The following GALK2 variants were observed in gnomAD, a reference collection of about 807,000 sequenced individuals.
GALK2 encodes the protein N-acetylgalactosamine kinase.
GALK2 carries 36 observed loss-of-function variants against 52.4 expected under a neutral mutation model. That is an observed-to-expected ratio of 0.69 (90% CI 0.53 to 0.91). The LOEUF (loss-of-function observed/expected upper bound fraction) is 0.91. GALK2 is among the 40% of genes least tolerant of loss of function. The pLI, the probability that GALK2 is intolerant of heterozygous loss-of-function variation, is 0.00. For synonymous variants in GALK2, 176 were observed against 199.1 expected (o/e 0.88, Z 0.98); for missense variants, 579 against 559.1 (o/e 1.04, Z -0.36).
chr15:49,308,998 G>C (rs1239350466), intron 8 of GALK2, among the ~76,000 whole-genome samples: 1 of 152,212 alleles, frequency 6.6e-6, no homozygotes, highest in Admixed American at 6.5e-5. Context: ...TGAAGGGTCA[G>C]ATTTGTCTCT....
At chr15:49,337,936 G>A (rs1394524163) in intron 3 of GALK2, among the ~76,000 whole-genome samples, 1 of 152,058 alleles carries the variant, frequency 6.6e-6, no homozygotes, top group Non-Finnish European at 1.5e-5. Flanking sequence ...CCAAGTCTTC[G>A]CTATTGTGAA....
chr15:49,346,264 CT>C (rs2041494483), intron 3 of GALK2, among the ~76,000 whole-genome samples: 1 of 152,200 alleles, frequency 6.6e-6, no homozygotes, highest in African/African-American at 2.4e-5. Context: ...AACAAATGGC[CT>C]TTTGACCATG....
intron 2 of GALK2, among the ~76,000 whole-genome samples, chr15:49,206,414 G>T (rs2088290727): frequency 6.6e-6 from 1 of 151,870 alleles, no homozygotes; most frequent in Non-Finnish European, 1.5e-5. Flanking sequence ...ATTGCTTTTG[G>T]CAGTATGGTC....
intron 3 of GALK2, chr15:49,353,960 T>G (rs995931965): frequency 6.6e-6 from 1 of 152,210 alleles, no homozygotes; most frequent in African/African-American, 2.4e-5. Context: ...GGGAAAAATG[T>G]GTGTTCATGT....
exon 4 of GALK2, chr15:49,367,686 A>C: frequency 3.1e-6 from 4 of 1,290,848 alleles, no homozygotes; most frequent in Non-Finnish European, 4.2e-6. Context: ...ATAACTTCAT[A>C]TTTAGCATAA....
rs183708447 is a variant in GALK2, at chr15:49,286,734, T to C, written c.756+3016T>C. 1.2e-4 allele frequency among the ~76,000 whole-genome samples: 19 copies of C among 152,288 alleles called. No individual in the cohort carries two copies. In the East Asian group the frequency reaches 3.7e-3, roughly 29 times the overall value. On this transcript the variant is annotated intron_variant, in intron 7 of 9. Coordinates refer to ENST00000560031, the MANE Select transcript of GALK2 (RefSeq NM_002044.4). ...TTTTAATATCAAGGGTTCAATGAACTTTTTTTCTTTTACGACACACTTCCT... is the reference window on the plus strand; with the variant it reads ...TTTTAATATCAAGGGTTCAATGAACCTTTTTTCTTTTACGACACACTTCCT...
intron 3 of GALK2, among the ~76,000 whole-genome samples, chr15:49,218,098 A>G (rs749281321): frequency 1.3e-5 from 2 of 152,154 alleles, no homozygotes; most frequent in Non-Finnish European, 2.9e-5. Context: ...TTGGCATATT[A>G]TATGTTTGGC....
intron 1 of GALK2, among the ~76,000 whole-genome samples, chr15:49,157,793 A>G (rs558042024): frequency 1.1e-4 from 16 of 152,332 alleles, no homozygotes; most frequent in African/African-American, 3.8e-4. Flanking sequence ...TTAGCACGGC[A>G]TGTACCAGTA....
intron 8 of GALK2, among the ~76,000 whole-genome samples, chr15:49,305,270 G>A (rs1263397786): frequency 2.0e-5 from 3 of 152,156 alleles, no homozygotes. Flanking sequence ...TATTGTATGT[G>A]TATAGACACT....
intron 3 of GALK2, among the ~76,000 whole-genome samples, chr15:49,342,332 G>A (rs2040858901): frequency 6.6e-6 from 1 of 151,966 alleles, no homozygotes; most frequent in African/African-American, 2.4e-5. Flanking sequence ...GTTTTATCTG[G>A]TATAAGAATA....
chr15:49,215,014 T>C (rs889240952), intron 2 of GALK2, among the ~76,000 whole-genome samples: 1 of 152,206 alleles, frequency 6.6e-6, no homozygotes, highest in African/African-American at 2.4e-5. Context: ...GTTCAAAAGT[T>C]GTTTTTCTTC....
At chr15:49,306,018 A>T (rs2035516532) in intron 8 of GALK2, among the ~76,000 whole-genome samples, 1 of 152,216 alleles carries the variant, frequency 6.6e-6, no homozygotes, top group South Asian at 2.1e-4. Context: ...AAAGATTTTT[A>T]TCTTCTTAAT....
At chr15:49,181,501 CTTTTTTT>C (rs370757144) in intron 1 of GALK2, among the ~76,000 whole-genome samples, 4,388 of 113,604 alleles carry the variant, frequency 0.039, 115 homozygotes, top group Non-Finnish European at 0.055. Flanking sequence ...AAAAAAAAGA[CTTTTTTT>C]TTTTTTTTTT....
chr15:49,162,195 A>G (rs984048789), intron 1 of GALK2, among the ~76,000 whole-genome samples: 7 of 152,254 alleles, frequency 4.6e-5, no homozygotes, highest in African/African-American at 1.7e-4. Flanking sequence ...GTCACTATAG[A>G]TTAGTTTACA....
intron 8 of GALK2, among the ~76,000 whole-genome samples, chr15:49,294,414 G>A (rs1458135819): frequency 6.6e-6 from 1 of 152,098 alleles, no homozygotes; most frequent in Non-Finnish European, 1.5e-5. Context: ...TACAGTATCA[G>A]GCCAAGGTTG....
At chr15:49,350,715 C>T (rs538904595) in intron 3 of GALK2, among the ~76,000 whole-genome samples, 2 of 152,292 alleles carry the variant, frequency 1.3e-5, no homozygotes, top group East Asian at 3.9e-4. Context: ...GCACCATTTG[C>T]CTTTTATAAT....
intron 1 of GALK2, among the ~76,000 whole-genome samples, chr15:49,172,169 T>G (rs143080205): frequency 3.3e-5 from 5 of 152,354 alleles, no homozygotes; most frequent in Non-Finnish European, 7.3e-5. Context: ...CATTTCTATC[T>G]ATATTTACCC....
upstream of GALK2, among the ~76,000 whole-genome samples, chr15:49,167,125 G>C (rs2084848137): frequency 6.6e-6 from 1 of 152,084 alleles, no homozygotes; most frequent in Admixed American, 6.6e-5. Context: ...TTTTGTTTTT[G>C]TTTAGTTTGC....
chr15:49,201,133 A>G (rs2087731344), intron 1 of GALK2, 29 bp from the exon 2 acceptor site: 2 of 1,237,818 alleles, frequency 1.6e-6, no homozygotes, highest in Admixed American at 1.7e-5. Flanking sequence ...GTTATATGAT[A>G]TTCTGAAATA....
Sources: gnomAD v4.1 joint callset for allele counts (sites outside exome capture counted in the v4.1 genomes callset) on GRCh38, gnomAD v4.1.1 for gene constraint, MANE v1.5 for transcripts, NCBI Gene and HGNC (gene_info 2026-07-23, HGNC 2026-07-21) for gene names.